Variants in ESRRG observed in about 807,000 individuals in gnomAD.
ESRRG encodes the protein estrogen related receptor gamma.
ESRRG carries 13 observed loss-of-function variants against 44.0 expected under a neutral mutation model. That is an observed-to-expected ratio of 0.30 (90% CI 0.19 to 0.47). ESRRG has a LOEUF of 0.47. ESRRG is among the 20% of genes least tolerant of loss of function. ESRRG has a pLI of 1.00. For missense variants in ESRRG, 395 were observed against 580.6 expected, an observed-to-expected ratio of 0.68 and a Z score of 3.29; for synonymous variants, 215 against 214.6, an observed-to-expected ratio of 1.00 and a Z score of -0.02.
chr1:216,558,584 T>C (rs973929661), intron 5 of ESRRG, among the ~76,000 whole-genome samples: 2 of 152,194 alleles, frequency 1.3e-5, no homozygotes, highest in East Asian at 1.9e-4. Flanking sequence ...CACTGAATGC[T>C]GTACATTTAG....
At chr1:216,938,376 A>C (rs2064528025) in intron 2 of ESRRG, among the ~76,000 whole-genome samples, 1 of 152,304 alleles carries the variant, frequency 6.6e-6, no homozygotes, top group Middle Eastern at 3.4e-3. Context: ...ACGCAAAACA[A>C]CAGATGATAT....
intron 3 of ESRRG, among the ~76,000 whole-genome samples, chr1:216,596,316 A>T (rs1012406999): frequency 6.6e-6 from 1 of 152,184 alleles, no homozygotes; most frequent in Non-Finnish European, 1.5e-5. Context: ...GCTCATGTGA[A>T]CACTTCATTT....
chr1:217,084,034 T>C (rs752615929), intron 1 of ESRRG, among the ~76,000 whole-genome samples: 2 of 151,324 alleles, frequency 1.3e-5, no homozygotes, highest in South Asian at 2.1e-4. Flanking sequence ...ACTTCTTTCA[T>C]AGAAATGTAT....
At chr1:216,575,571 A>G (rs1447726940) in intron 3 of ESRRG, among the ~76,000 whole-genome samples, 1 of 152,136 alleles carries the variant, frequency 6.6e-6, no homozygotes, top group Non-Finnish European at 1.5e-5. Context: ...TAACACATTT[A>G]ATCCTTATAG....
At position 216,971,651 on chromosome 1, in the gene ESRRG, A is replaced by G. The variant is rs139402587; in HGVS notation, c.-105-31978T>C. On this transcript the variant is annotated intron_variant, in intron 1 of 7. Transcript: ENST00000359162. ...TCTAGTAAGTAAAACCGAAATTTGC[A>G]ATGGTTTATTTTAATAAAATATTTA... 2.3e-3 allele frequency among the ~76,000 whole-genome samples: 345 copies of G among 152,306 alleles called. 2 individuals are homozygous for G. The highest frequency in any genetic ancestry group is 7.6e-3 in the African/African-American group (314 of 41,572).
rs186966853 is a variant in ESRRG, at chr1:216,920,543, C to A, written c.-14+19039G>T. 1.6e-4 allele frequency among the ~76,000 whole-genome samples: 24 copies of A among 152,052 alleles called. No homozygotes were observed. The East Asian group carries it at 4.1e-3, about 26-fold the overall frequency. On this transcript the variant is annotated intron_variant, in intron 2 of 7. Transcript: ENST00000359162. ...ACGTCTTTTTATCTTTCAAGTTCACCATAAAAGAAACAAGCCAGAATAGAT... is the reference window on the plus strand; with the variant it reads ...ACGTCTTTTTATCTTTCAAGTTCACAATAAAAGAAACAAGCCAGAATAGAT...
upstream of ESRRG, among the ~76,000 whole-genome samples, chr1:217,092,044 T>G (rs2092353886): frequency 1.3e-5 from 2 of 152,174 alleles, no homozygotes; most frequent in African/African-American, 4.8e-5. Flanking sequence ...CTGAGTGGTT[T>G]CTTACCCCAG....
intron 2 of ESRRG, among the ~76,000 whole-genome samples, chr1:216,931,835 C>CAAAAAAAA (rs56050369): frequency 1.1e-4 from 14 of 130,948 alleles, no homozygotes; most frequent in East Asian, 4.3e-4. Context: ...TGAGAAACCA[C>CAAAAAAAA]AAAAAAAAAA....
At chr1:216,658,907 AG>A (rs1317028229) in intron 2 of ESRRG, among the ~76,000 whole-genome samples, 9 of 150,890 alleles carry the variant, frequency 6.0e-5, no homozygotes, top group African/African-American at 2.2e-4. Flanking sequence ...AGAGAAGAGA[AG>A]AGAAGAGAAA....
intron 1 of ESRRG, among the ~76,000 whole-genome samples, chr1:217,064,995 G>A (rs562766206): frequency 6.6e-6 from 1 of 152,268 alleles, no homozygotes; most frequent in South Asian, 2.1e-4. Context: ...CAAAACAAAT[G>A]TGAGAATGCC....
At chr1:217,010,379 GA>G (rs1456305723) in intron 1 of ESRRG, among the ~76,000 whole-genome samples, 1 of 152,138 alleles carries the variant, frequency 6.6e-6, no homozygotes, top group African/African-American at 2.4e-5. Flanking sequence ...AATTTTTAAA[GA>G]GAAAGAGTGA....
intron 3 of ESRRG, among the ~76,000 whole-genome samples, chr1:216,615,777 G>A (rs540138972): frequency 5.2e-5 from 7 of 134,146 alleles, no homozygotes; most frequent in Admixed American, 8.5e-5. Flanking sequence ...TCACTCTGTC[G>A]CCCAGGCTCA....
At chr1:216,875,424 A>G (rs559203258) in intron 2 of ESRRG, among the ~76,000 whole-genome samples, 1 of 152,286 alleles carries the variant, frequency 6.6e-6, no homozygotes, top group African/African-American at 2.4e-5. Flanking sequence ...AAAGGTACCA[A>G]AAGGTAAACA....
intron 2 of ESRRG, among the ~76,000 whole-genome samples, chr1:216,776,605 G>T (rs1011884953): frequency 6.6e-6 from 1 of 152,080 alleles, no homozygotes; most frequent in African/African-American, 2.4e-5. Context: ...TACATCTAAA[G>T]GTCAAGATCC....
In ESRRG at chr1:216,974,831, G is replaced by A. The variant is rs192441541; in HGVS notation, c.-105-35158C>T. ...TTTCTCTCATTCTCTCTCTCCCCTC[G>A]GAGGACAGGGAGGGCAGTTTCTGGG... On this transcript the variant is annotated intron_variant, in intron 1 of 7. Transcript: ENST00000359162. 8.2e-4 allele frequency among the ~76,000 whole-genome samples: 124 copies of A among 151,214 alleles called. 1 individual carries two copies. The highest frequency in any genetic ancestry group is 1.8e-3 in the Admixed American group (27 of 15,222).
chr1:217,020,336 C>T (rs2080094657), intron 1 of ESRRG, among the ~76,000 whole-genome samples: 1 of 152,202 alleles, frequency 6.6e-6, no homozygotes, highest in South Asian at 2.1e-4. Flanking sequence ...GTCCATCAGA[C>T]ACAGTCTATC....
intron 1 of ESRRG, among the ~76,000 whole-genome samples, chr1:216,991,523 G>A (rs1290239937): frequency 6.6e-6 from 1 of 152,064 alleles, no homozygotes; most frequent in East Asian, 1.9e-4. Context: ...CACATCTGAT[G>A]GGGGAAATAG....
chr1:216,528,406 A>C (rs2048325477), intron 5 of ESRRG, among the ~76,000 whole-genome samples: 1 of 152,170 alleles, frequency 6.6e-6, no homozygotes, highest in Admixed American at 6.5e-5. Flanking sequence ...ATAAGTAACC[A>C]TTCACAACAG....
chr1:216,524,725 T>C (rs2047116314), intron 5 of ESRRG, among the ~76,000 whole-genome samples: 1 of 152,178 alleles, frequency 6.6e-6, no homozygotes, highest in African/African-American at 2.4e-5. Flanking sequence ...GGAACTATTA[T>C]TTTAAAATAG....
Sources: allele counts gnomAD v4.1 joint callset (sites outside exome capture counted in the v4.1 genomes callset), GRCh38; gene constraint gnomAD v4.1.1; transcripts MANE v1.5; gene names NCBI Gene and HGNC (gene_info 2026-07-23, HGNC 2026-07-21).